Variants in ZFAT observed in about 807,000 individuals in gnomAD.
ZFAT encodes the protein zinc finger protein ZFAT.
ZFAT carries 64 observed loss-of-function variants against 117.7 expected under a neutral mutation model. The observed-to-expected ratio is 0.54, with a 90% CI of 0.44 to 0.67. The LOEUF (loss-of-function observed/expected upper bound fraction) is 0.67. ZFAT is among the 30% of genes least tolerant of loss of function. ZFAT has a pLI of 0.00. For synonymous variants in ZFAT, 679 were observed against 615.0 expected (o/e 1.10, Z -1.54); for missense variants, 1,433 against 1,584.5 (o/e 0.90, Z 1.62).
chr8:134,746,376 C>G, the ZFAT span, among the ~76,000 whole-genome samples: 4 of 152,196 alleles, frequency 2.6e-5, no homozygotes, highest in Non-Finnish European at 5.9e-5. Context: ...TGTGCTATGT[C>G]TAAAACGTAG....
chr8:134,680,085 G>A (rs2131295198), intron 1 of ZFAT, among the ~76,000 whole-genome samples: 1 of 151,136 alleles, frequency 6.6e-6, no homozygotes, highest in Admixed American at 6.6e-5. Context: ...TGAACTTAAA[G>A]TATAATTAAA....
chr8:134,632,984 G>A (rs911571780), intron 3 of ZFAT, among the ~76,000 whole-genome samples: 3 of 152,196 alleles, frequency 2.0e-5, no homozygotes, highest in Admixed American at 6.5e-5. Context: ...AGGATGAAAA[G>A]GATAAAGGCT....
chr8:134,653,419 GTTT>G (rs61711569), intron 2 of ZFAT, among the ~76,000 whole-genome samples: 8 of 51,334 alleles, frequency 1.6e-4, no homozygotes, highest in Admixed American at 1.1e-3. Flanking sequence ...CGTTTTATCT[GTTT>G]TTTTTTTTTT....
At chr8:134,802,378 G>A in the ZFAT span, among the ~76,000 whole-genome samples, 4 of 152,198 alleles carry the variant, frequency 2.6e-5, no homozygotes, top group African/African-American at 7.2e-5. Context: ...GGGAATCACA[G>A]AACATGCTCG....
chr8:134,490,819 C>A (rs1255192012), intron 15 of ZFAT, among the ~76,000 whole-genome samples: 1 of 152,158 alleles, frequency 6.6e-6, no homozygotes, highest in Non-Finnish European at 1.5e-5. Context: ...GCAAGTCCTG[C>A]CTCCCAACTA....
the ZFAT span, among the ~76,000 whole-genome samples, chr8:134,736,408 GC>G: frequency 2.0e-5 from 3 of 152,148 alleles, no homozygotes; most frequent in Non-Finnish European, 4.4e-5. Context: ...TGACATGGTG[GC>G]CCTGCCTGCC....
At chr8:134,623,676 C>CT (rs1829290817) in intron 3 of ZFAT, among the ~76,000 whole-genome samples, 1 of 152,170 alleles carries the variant, frequency 6.6e-6, no homozygotes, top group Non-Finnish European at 1.5e-5. Context: ...TCAGATGCCA[C>CT]AGAACACTTC....
At chr8:134,583,742 C>A in intron 10 of ZFAT, 90 bp downstream of exon 10, 2 of 1,487,064 alleles carry the variant, frequency 1.3e-6, no homozygotes, top group Non-Finnish European at 1.8e-6. Context: ...CTCTTTCCTG[C>A]CTCTGGTACA....
intron 13 of ZFAT, among the ~76,000 whole-genome samples, chr8:134,514,229 A>G (rs1383838809): frequency 6.6e-6 from 1 of 152,136 alleles, no homozygotes; most frequent in Non-Finnish European, 1.5e-5. Context: ...TATGTCAACT[A>G]TTTCTGTTGG....
chr8:134,691,379 G>A (rs1263485699), intron 1 of ZFAT, among the ~76,000 whole-genome samples: 3 of 152,250 alleles, frequency 2.0e-5, no homozygotes, highest in African/African-American at 7.2e-5. Flanking sequence ...GCCAGTCTCC[G>A]CTGCAGCGGG....
At chr8:134,640,843 G>A (rs142378548) in intron 2 of ZFAT, among the ~76,000 whole-genome samples, 13 of 152,254 alleles carry the variant, frequency 8.5e-5, no homozygotes, top group African/African-American at 3.1e-4. Flanking sequence ...TCAACTACTC[G>A]CATTTTATGG....
chr8:134,527,996 A>G (rs1401141622), intron 12 of ZFAT, among the ~76,000 whole-genome samples: 2 of 152,248 alleles, frequency 1.3e-5, no homozygotes, highest in Non-Finnish European at 2.9e-5. Context: ...ATAAGAGAAA[A>G]TAAACAGTAT....
chr8:134,675,190 G>T (rs1832736226), intron 1 of ZFAT, among the ~76,000 whole-genome samples: 1 of 152,146 alleles, frequency 6.6e-6, no homozygotes, highest in Admixed American at 6.5e-5. Context: ...CCAATGCAAG[G>T]AAGCTAAAAA....
the ZFAT span, among the ~76,000 whole-genome samples, chr8:134,767,706 A>C: frequency 1.3e-5 from 2 of 152,246 alleles, no homozygotes; most frequent in Non-Finnish European, 2.9e-5. Flanking sequence ...TTTTACTGTT[A>C]AGAAGTGTAT....
intron 10 of ZFAT, among the ~76,000 whole-genome samples, chr8:134,568,756 C>T (rs548430330): frequency 2.0e-5 from 3 of 152,280 alleles, no homozygotes; most frequent in Admixed American, 6.5e-5. Flanking sequence ...TTTCAGCAAC[C>T]ACTGCCAGCA....
the ZFAT span, among the ~76,000 whole-genome samples, chr8:134,802,526 T>C: frequency 1.3e-5 from 2 of 152,174 alleles, no homozygotes; most frequent in African/African-American, 4.8e-5. Flanking sequence ...ATATGACTAT[T>C]TCTAACCAAG....
At chr8:134,489,546 C>A (rs1408344688) in intron 15 of ZFAT, among the ~76,000 whole-genome samples, 19 of 152,262 alleles carry the variant, frequency 1.2e-4, no homozygotes, top group South Asian at 4.1e-4. Context: ...CCTCAGCGTC[C>A]TCCGTCCTCT....
chr8:134,692,452 G>A (rs1423934127), intron 1 of ZFAT, among the ~76,000 whole-genome samples: 2 of 152,118 alleles, frequency 1.3e-5, no homozygotes, highest in Non-Finnish European at 1.5e-5. Flanking sequence ...GGCCATGGCC[G>A]CCCAGGACTT....
chr8:134,632,129 C>T (rs1287776113), intron 3 of ZFAT, among the ~76,000 whole-genome samples: 3 of 152,100 alleles, frequency 2.0e-5, no homozygotes, highest in Non-Finnish European at 4.4e-5. Flanking sequence ...ATCTCTCTGA[C>T]CTCTCCAGAA....
Sources: gnomAD v4.1 joint callset for allele counts (sites outside exome capture counted in the v4.1 genomes callset) on GRCh38, gnomAD v4.1.1 for gene constraint, MANE v1.5 for transcripts, NCBI Gene and HGNC (gene_info 2026-07-23, HGNC 2026-07-21) for gene names.